Variants in SULF1 observed in about 807,000 individuals in gnomAD.
SULF1 encodes sulfatase 1.
In SULF1, 46 loss-of-function variants were observed where a neutral mutation model predicts 110.5. The ratio of observed to expected loss-of-function variants is 0.42; its 90% CI spans 0.33 to 0.53. The LOEUF is 0.53. Among genes scored for constraint, SULF1 ranks in the 20% least tolerant of loss-of-function variants. The pLI, the probability that SULF1 is intolerant of heterozygous loss-of-function variation, is 0.12. For synonymous variants in SULF1, 371 were observed against 387.1 expected (o/e 0.96, Z 0.49); for missense variants, 941 against 1,094.2 (o/e 0.86, Z 1.98).
Position 69,515,283 on chromosome 8 carries a change from T to G in SULF1, c.-134+13315T>G, listed in dbSNP as rs138643051. ...CCTCAACCCTTGTCTTCTGCACACC[T>G]GAAGGCCCAACACCATGTGGAAGCC... On this transcript the variant is annotated intron_variant, in intron 3 of 22. Transcript: ENST00000402687. 1.6e-4 allele frequency among the ~76,000 whole-genome samples: 24 copies of G among 152,332 alleles called. 1 individual carries two copies. In the East Asian group the frequency reaches 4.6e-3, roughly 29 times the overall value.
In SULF1 at chr8:69,621,014, C is replaced by T. The variant is rs143018807; in HGVS notation, c.1378-21C>T. 3.9e-5 allele frequency: 62 copies of T among 1,580,612 alleles called. No individual in the cohort carries two copies. In the East Asian group the frequency reaches 1.4e-3, roughly 35 times the overall value. On this transcript the variant is annotated intron_variant, in intron 13 of 22. Coordinates refer to ENST00000402687, the MANE Select transcript of SULF1 (RefSeq NM_001128205.2). ...CACCTGGAGCAGAATCGGTAAACTGCTTTCACGTTGGCTTTTGCAGAAGTG... is the reference window on the plus strand; with the variant it reads ...CACCTGGAGCAGAATCGGTAAACTGTTTTCACGTTGGCTTTTGCAGAAGTG...
rs35961171 is a variant in SULF1 at position 69,616,702 on chromosome 8, G to GT, written c.1378-4313dup. On this transcript the variant is annotated intron_variant, in intron 13 of 22. Coordinates refer to ENST00000402687, the MANE Select transcript of SULF1 (RefSeq NM_001128205.2). ...CAGGCTTGAGCTACTGTGCCCGGCC[G>GT]TTTTTTTTTTTTTTTTTTTTCTGTA... Among the ~76,000 whole-genome samples the GT allele has an allele frequency of 1.9e-3, 203 of 104,610 alleles. 2 individuals are homozygous for GT. The highest frequency in any genetic ancestry group is 5.2e-3 in the Middle Eastern group (1 of 194). The allele number at this position is 104,610 out of a possible 152,430, so 68.6% of individuals were successfully genotyped here. A position where few individuals can be genotyped will look rare whatever the true frequency, so the allele number is the denominator to read the frequency against.
At chr8:69,470,701 C>A (rs992011233) in intron 1 of SULF1, among the ~76,000 whole-genome samples, 4 of 152,166 alleles carry the variant, frequency 2.6e-5, no homozygotes, top group African/African-American at 9.7e-5. Flanking sequence ...TTCATCAAAG[C>A]TCTTCTAGTC....
intron 3 of SULF1, among the ~76,000 whole-genome samples, chr8:69,549,546 A>G (rs1814537713): frequency 7.0e-6 from 1 of 143,846 alleles, no homozygotes; most frequent in Admixed American, 6.9e-5. Context: ...CATCTCCTTG[A>G]AGTTAGGGAG....
In SULF1 at chr8:69,621,060, C is replaced by T; in HGVS notation, c.1403C>T (p.Ser468Phe). 1 of 1,612,400 alleles carries T rather than the reference C, an allele frequency of 6.2e-7. No homozygotes were observed. Among genetic ancestry groups the T allele is most frequent in the South Asian group, 1.1e-5 (1 of 90,954 alleles). ...AAGTGGCAATGCATTGAGGATACAT[C>T]TGGCAAGCTTCGAATTCACAAGTGT... ...GQKWQCIEDT[S>F]GKLRIHKCKG... Residue 468 changes from serine to phenylalanine, a missense_variant, in exon 14 of 23, where the codon TCT becomes TTT. By Grantham distance (155) the Ser-to-Phe change is radical. This residue lies in a region of SULF1 where 822 missense variants were observed against 934.3 expected (regional missense o/e 0.88). Transcript: ENST00000402687.
intron 5 of SULF1, among the ~76,000 whole-genome samples, chr8:69,574,237 G>A (rs999858260): frequency 2.6e-5 from 4 of 152,040 alleles, no homozygotes; most frequent in Non-Finnish European, 5.9e-5. Flanking sequence ...TCTCTGCCCA[G>A]CCTTCAAGCT....
intron 18 of SULF1, among the ~76,000 whole-genome samples, chr8:69,628,787 G>T (rs1167774692): frequency 1.3e-5 from 2 of 152,080 alleles, no homozygotes; most frequent in East Asian, 3.8e-4. Context: ...ATTTGTCAAA[G>T]AATTTTTTAA....
At chr8:69,591,290 C>A (rs1188168601) in intron 8 of SULF1, among the ~76,000 whole-genome samples, 1 of 152,040 alleles carries the variant, frequency 6.6e-6, no homozygotes, top group African/African-American at 2.4e-5. Context: ...CGCGGTGGCT[C>A]ACGCCTGTAA....
chr8:69,477,745 C>CCATCAT (rs1809359706), intron 1 of SULF1, among the ~76,000 whole-genome samples: 1 of 152,154 alleles, frequency 6.6e-6, no homozygotes. Flanking sequence ...CAGGAGCATG[C>CCATCAT]CATCATCTCT....
At chr8:69,577,633 T>C in intron 6 of SULF1, among the ~76,000 whole-genome samples, 1 of 152,128 alleles carries the variant, frequency 6.6e-6, no homozygotes, top group Non-Finnish European at 1.5e-5. Context: ...TGCCAGGACT[T>C]AGAGCAGTCA....
chr8:69,564,161 C>G lies in SULF1; in HGVS notation c.172+14C>G. ...ATGTGGAGCTGGGTGAGACACTGGA[C>G]TCTTCACTTGTTAGTCTCTTTTGTT... On this transcript the variant is annotated intron_variant, in intron 5 of 22. Transcript: ENST00000402687. 6.2e-7 allele frequency: 1 copy of G among 1,613,652 alleles called. No homozygotes were observed.
At chr8:69,516,554 C>T (rs1055870890) in intron 3 of SULF1, among the ~76,000 whole-genome samples, 10 of 152,314 alleles carry the variant, frequency 6.6e-5, no homozygotes, top group Non-Finnish European at 8.8e-5. Context: ...CCATATCATA[C>T]CTCTTGGATG....
intron 3 of SULF1, among the ~76,000 whole-genome samples, chr8:69,503,499 A>T (rs748204601): frequency 3.9e-5 from 6 of 152,218 alleles, no homozygotes; most frequent in Non-Finnish European, 8.8e-5. Flanking sequence ...AAGTTCATTG[A>T]ATAACTAATA....
At chr8:69,505,942 C>G (rs567916248) in intron 3 of SULF1, among the ~76,000 whole-genome samples, 2 of 151,020 alleles carry the variant, frequency 1.3e-5, no homozygotes, top group African/African-American at 4.9e-5. Context: ...TTGGTCTTTT[C>G]TTTATAAGTA....
chr8:69,602,337 A>AT (rs1807893790), intron 10 of SULF1, among the ~76,000 whole-genome samples: 1 of 152,182 alleles, frequency 6.6e-6, no homozygotes, highest in Non-Finnish European at 1.5e-5. Context: ...TTGCATCTCT[A>AT]TTTTCCCATC....
In SULF1 at chr8:69,648,085, A is replaced by C. The variant is rs113365823; in HGVS notation, c.2585+7244A>C. Among the ~76,000 whole-genome samples, 1,021 of 151,650 alleles carry C rather than the reference A, an allele frequency of 6.7e-3. 15 individuals carry two copies. Among genetic ancestry groups the C allele is most frequent in the African/African-American group, 0.024 (979 of 41,342 alleles). On this transcript the variant is annotated intron_variant, in intron 22 of 22. Coordinates refer to ENST00000402687, the MANE Select transcript of SULF1 (RefSeq NM_001128205.2). Reference sequence around the variant, plus strand: ...ATATTATGTTTCAAGTAGCATGAAAATCACCCAAGATGAATACCAGTTTGG... The same window carrying C: ...ATATTATGTTTCAAGTAGCATGAAACTCACCCAAGATGAATACCAGTTTGG...
intron 3 of SULF1, among the ~76,000 whole-genome samples, chr8:69,533,532 C>T (rs555499022): frequency 6.6e-6 from 1 of 152,120 alleles, no homozygotes; most frequent in Non-Finnish European, 1.5e-5. Flanking sequence ...CATTAGTTTG[C>T]TGAGGATAAT....
chr8:69,642,158 ATCT>A (rs1668244508), intron 22 of SULF1: 2 of 837,634 alleles, frequency 2.4e-6, no homozygotes, highest in East Asian at 1.2e-4. Flanking sequence ...CTATATTAAT[ATCT>A]TCTTTATCTA....
chr8:69,511,724 C>G (rs1046481316), intron 3 of SULF1, among the ~76,000 whole-genome samples: 1 of 152,190 alleles, frequency 6.6e-6, no homozygotes, highest in African/African-American at 2.4e-5. Context: ...CATTGTCACC[C>G]AGAGTCCACA....
Sources: allele counts gnomAD v4.1 joint callset (sites outside exome capture counted in the v4.1 genomes callset), GRCh38; gene constraint gnomAD v4.1.1; regional missense constraint gnomAD v4.1.1; transcripts MANE v1.5; gene names NCBI Gene and HGNC (gene_info 2026-07-23, HGNC 2026-07-21).